The following SSH2 variants were observed in gnomAD, a reference collection of about 807,000 sequenced individuals.
SSH2 encodes the protein slingshot protein phosphatase 2.
SSH2 carries 37 observed loss-of-function variants against 135.2 expected under a neutral mutation model. The observed-to-expected ratio is 0.27, with a 90% CI of 0.21 to 0.36. The LOEUF is 0.36. SSH2 is among the 10% of genes least tolerant of loss of function. The pLI is 1.00. For missense variants in SSH2, 1,408 were observed against 1,765.3 expected (o/e 0.80, Z 3.63); for synonymous variants, 628 against 646.2 (o/e 0.97, Z 0.43).
Position 29,631,296 on chromosome 17 carries a change from A to G in SSH2, c.3898T>C (p.Leu1300=). 6.2e-7 allele frequency: 1 copy of G among 1,614,146 alleles called. No homozygotes were observed. Among genetic ancestry groups the G allele is most frequent in the Non-Finnish European group, 8.5e-7 (1 of 1,180,022 alleles). ...LGYLDLCKDC[L]PEREPASCES... is the part of the protein sequence containing the mutation. ...CAGGAGGCAGGCTCCCTCTCTGGTA[A>G]GCAGTCTTTACAGAGGTCCAAGTAA... Residue 1300 remains leucine (L), a synonymous_variant, in exon 16 of 16, where the codon TTA becomes CTA. Coordinates refer to ENST00000540801, the MANE Select transcript of SSH2 (RefSeq NM_001282129.2).
chr17:29,829,963 C>T (rs2042814085), intron 2 of SSH2, among the ~76,000 whole-genome samples: 1 of 151,914 alleles, frequency 6.6e-6, no homozygotes, highest in Admixed American at 6.6e-5. Context: ...CCTCAGCCTC[C>T]CGAGTAGCTG....
At chr17:29,839,371 C>T (rs771675258) in intron 2 of SSH2, among the ~76,000 whole-genome samples, 22 of 152,330 alleles carry the variant, frequency 1.4e-4, no homozygotes, top group South Asian at 6.2e-4. Flanking sequence ...TGGGCAAAGG[C>T]GCCATTGGCC....
intron 12 of SSH2, among the ~76,000 whole-genome samples, chr17:29,653,320 T>A (rs1042465463): frequency 6.6e-6 from 1 of 152,182 alleles, no homozygotes; most frequent in African/African-American, 2.4e-5. Context: ...TATTAAAATT[T>A]AACAATCACT....
intron 1 of SSH2, among the ~76,000 whole-genome samples, chr17:29,913,263 A>AG (rs2151475943): frequency 7.4e-6 from 1 of 135,832 alleles, no homozygotes; most frequent in African/African-American, 2.7e-5. Flanking sequence ...GGTTGCAGTG[A>AG]GCCAAGATCA....
chr17:29,726,269 A>G (rs1303929023), intron 3 of SSH2, among the ~76,000 whole-genome samples: 2 of 152,188 alleles, frequency 1.3e-5, no homozygotes, highest in Non-Finnish European at 2.9e-5. Flanking sequence ...CAGGGGGAGC[A>G]GCATGTGCAA....
intron 1 of SSH2, among the ~76,000 whole-genome samples, chr17:29,859,443 C>T (rs2065722106): frequency 6.6e-6 from 1 of 152,172 alleles, no homozygotes; most frequent in Admixed American, 6.5e-5. Context: ...TCCCCTCCTT[C>T]TTTGCACCCT....
At chr17:29,773,976 G>C (rs1316719488) in intron 3 of SSH2, among the ~76,000 whole-genome samples, 1 of 152,108 alleles carries the variant, frequency 6.6e-6, no homozygotes, top group Non-Finnish European at 1.5e-5. Context: ...AGCCATTTGG[G>C]TTATAATAGG....
intron 3 of SSH2, among the ~76,000 whole-genome samples, chr17:29,703,673 G>C (rs1304116736): frequency 6.6e-6 from 1 of 151,826 alleles, no homozygotes; most frequent in Non-Finnish European, 1.5e-5. Context: ...CCGCCTCCCA[G>C]GTTCAAGTAA....
rs768106819 is a variant in SSH2 at position 29,632,380 on chromosome 17, T to G, written c.2814A>C (p.Lys938Asn). Residue 938 changes from lysine (K) to asparagine (N), a missense_variant, in exon 16 of 16, where the codon AAA (lysine) becomes AAC (asparagine). Lys to Asn is a moderately conservative substitution (Grantham distance 94). Transcript: ENST00000540801. ...CTGGGGGGGCTTCATCACTTTTCCCTTTTGGTGCTAGGTCTGCCACAGAAG... is the reference window on the plus strand; with the variant it reads ...CTGGGGGGGCTTCATCACTTTTCCCGTTTGGTGCTAGGTCTGCCACAGAAG... Reference protein sequence around the residue: ...NDSSVADLAPKGKSDEAPPEH... With the variant: ...NDSSVADLAPNGKSDEAPPEH... The G allele has an allele frequency of 1.9e-6, 3 of 1,613,916 alleles. No homozygotes were observed. Among genetic ancestry groups the G allele is most frequent in the Non-Finnish European group, 2.5e-6 (3 of 1,179,872 alleles).
chr17:29,724,581 CTT>C (rs560435177), intron 3 of SSH2, among the ~76,000 whole-genome samples: 28,351 of 75,658 alleles, frequency 0.37, 3,992 homozygotes, highest in Non-Finnish European at 0.42. Flanking sequence ...ATTACCAAAT[CTT>C]TTTTTTTTTT....
At chr17:29,650,496 G>C (rs1010072215) in intron 13 of SSH2, among the ~76,000 whole-genome samples, 158 bp downstream of exon 13, 3 of 152,138 alleles carry the variant, frequency 2.0e-5, no homozygotes, top group African/African-American at 7.2e-5. Context: ...TGAGTCACTA[G>C]TCTTTTGCCT....
chr17:29,908,894 C>G (rs557469439), intron 1 of SSH2, among the ~76,000 whole-genome samples: 3 of 150,878 alleles, frequency 2.0e-5, no homozygotes, highest in Non-Finnish European at 4.4e-5. Flanking sequence ...CTGGCTAACA[C>G]GGTGAAACCC....
rs1319257946 is a variant in SSH2 at position 29,636,297 on chromosome 17, A to G, written c.1933T>C (p.Ser645Pro). Residue 645 changes from serine to proline, a missense_variant, in exon 15 of 16, where the codon TCT becomes CCT. By Grantham distance (74) the Ser-to-Pro change is moderately conservative. This residue lies in a region of SSH2 where 1,080 missense variants were observed against 1,144.5 expected (regional missense o/e 0.94). Coordinates refer to ENST00000540801, the MANE Select transcript of SSH2 (RefSeq NM_001282129.2). Reference protein sequence around the residue: ...VHLLPMEELTSPLKDPPMSPD... With the variant: ...VHLLPMEELTPPLKDPPMSPD... ...GACATGGGGGGGTCTTTCAGTGGAG[A>G]TGTCAATTCTTCCATAGGCAGTAGG... 4 of 1,614,038 alleles carry G rather than the reference A, an allele frequency of 2.5e-6. No homozygotes were observed. The highest frequency in any genetic ancestry group is 3.4e-6 in the Non-Finnish European group (4 of 1,179,998).
At chr17:29,734,415 A>T (rs2040300458) in intron 3 of SSH2, among the ~76,000 whole-genome samples, 1 of 152,216 alleles carries the variant, frequency 6.6e-6, no homozygotes, top group African/African-American at 2.4e-5. Context: ...TGCAGAAATC[A>T]GCCTTAGTAG....
intron 3 of SSH2, among the ~76,000 whole-genome samples, chr17:29,790,742 T>C (rs2042050020): frequency 6.6e-6 from 1 of 152,010 alleles, no homozygotes; most frequent in African/African-American, 2.4e-5. Context: ...TTTTTTTTTT[T>C]TTTTGAGACA....
intron 2 of SSH2, among the ~76,000 whole-genome samples, chr17:29,844,703 C>G (rs1327079831): frequency 3.3e-5 from 5 of 152,214 alleles, no homozygotes; most frequent in African/African-American, 9.6e-5. Flanking sequence ...TTATGGAGAC[C>G]TCTAACAAAC....
chr17:29,680,551 CAAAAAAAAAA>C (rs1160865828), intron 6 of SSH2, among the ~76,000 whole-genome samples: 7 of 21,520 alleles, frequency 3.3e-4, no homozygotes, highest in African/African-American at 5.6e-4. Context: ...GACTCCCTCT[CAAAAAAAAAA>C]AAAAAAAAAA....
At chr17:29,890,280 C>CA (rs2066323650) in intron 1 of SSH2, among the ~76,000 whole-genome samples, 1 of 152,170 alleles carries the variant, frequency 6.6e-6, no homozygotes, top group Non-Finnish European at 1.5e-5. Flanking sequence ...AAAGAGTTAT[C>CA]ATATGCTCTA....
intron 14 of SSH2, chr17:29,645,834 A>G (rs2036348412): frequency 6.6e-6 from 1 of 152,174 alleles, no homozygotes; most frequent in Admixed American, 6.6e-5. Flanking sequence ...TGTTGAGTAA[A>G]TGGGAGGGGT....
Sources: allele counts gnomAD v4.1 joint callset (sites outside exome capture counted in the v4.1 genomes callset), GRCh38; gene constraint gnomAD v4.1.1; regional missense constraint gnomAD v4.1.1; transcripts MANE v1.5; gene names NCBI Gene and HGNC (gene_info 2026-07-23, HGNC 2026-07-21).